The following CACNG7 variants were observed in gnomAD, a reference collection of about 807,000 sequenced individuals.
The protein encoded by CACNG7 is calcium voltage-gated channel auxiliary subunit gamma 7.
Under a neutral mutation model 26.3 loss-of-function variants are expected in CACNG7, and 9 were observed. The observed-to-expected ratio is 0.34, with a 90% CI of 0.21 to 0.60. The LOEUF (loss-of-function observed/expected upper bound fraction) is 0.60. CACNG7 is among the 20% of genes least tolerant of loss of function. The pLI is 0.81. For missense variants in CACNG7, 297 were observed against 380.4 expected, an observed-to-expected ratio of 0.78 and a Z score of 1.82; for synonymous variants, 170 against 157.0, an observed-to-expected ratio of 1.08 and a Z score of -0.62.
chr19:53,927,868 A>G (rs1157451120), intron 4 of CACNG7, among the ~76,000 whole-genome samples: 1 of 151,832 alleles, frequency 6.6e-6, no homozygotes, highest in Non-Finnish European at 1.5e-5. Flanking sequence ...AGAAAAAAAG[A>G]AGGCAGCTAA....
At chr19:53,916,775 C>G (rs2068901601) in intron 4 of CACNG7, among the ~76,000 whole-genome samples, 1 of 149,402 alleles carries the variant, frequency 6.7e-6, no homozygotes, top group African/African-American at 2.5e-5. Context: ...GCTGGGATTA[C>G]AGGTGTGAGC....
intron 4 of CACNG7, among the ~76,000 whole-genome samples, chr19:53,938,074 T>G (rs893486929): frequency 1.0e-3 from 159 of 151,552 alleles, no homozygotes; most frequent in African/African-American, 3.7e-3. Context: ...AGGCCGAGTG[T>G]GGTGGCTCAC....
At chr19:53,923,731 G>T (rs1357623697) in intron 4 of CACNG7, among the ~76,000 whole-genome samples, 1 of 127,736 alleles carries the variant, frequency 7.8e-6, no homozygotes, top group Non-Finnish European at 1.6e-5. Context: ...GTCATTGGTG[G>T]AGTTGCCCCA....
chr19:53,922,513 T>C (rs2068969714), intron 4 of CACNG7, among the ~76,000 whole-genome samples: 1 of 90,682 alleles, frequency 1.1e-5, no homozygotes, highest in Admixed American at 9.3e-5. Flanking sequence ...CCAGGTCTGG[T>C]CATTGGTGGA....
chr19:53,938,084 C>T (rs762137899), intron 4 of CACNG7, among the ~76,000 whole-genome samples: 2 of 152,044 alleles, frequency 1.3e-5, no homozygotes, highest in Admixed American at 6.6e-5. Flanking sequence ...TGGTGGCTCA[C>T]GCTTGTAATC....
Position 53,943,946 on chromosome 19 carries a change from T to G in CACNG7, c.*1653T>G, listed in dbSNP as rs1488316799. ...AATAAACGCTTTCTCCTGGTATTAT[T>G]ATGACCACGTAGAGTACTGTTACTA... On this transcript the variant is annotated 3_prime_UTR_variant, in exon 6 of 6. Transcript: ENST00000391767. The G allele has an allele frequency of 6.6e-6, 1 of 152,182 alleles. No individual in the cohort carries two copies. Among genetic ancestry groups the G allele is most frequent in the Non-Finnish European group, 1.5e-5 (1 of 68,040 alleles). 9.4% of individuals were successfully genotyped at this position (152,182 alleles called of 1,614,324 possible).
At chr19:53,931,266 G>A (rs6509832) in intron 4 of CACNG7, among the ~76,000 whole-genome samples, 11,780 of 152,226 alleles carry the variant, frequency 0.077, 1,534 homozygotes, top group African/African-American at 0.27. Flanking sequence ...AGACATGGAC[G>A]TTTTATAATT....
Position 53,909,432 on chromosome 19 carries a change from C to A in CACNG7, c.-115C>A. On this transcript the variant is annotated 5_prime_UTR_variant, in exon 1 of 6. Transcript: ENST00000391767. This position sits in a 1 kb window ranked among gnomAD's most constrained non-coding sequence, Gnocchi z 5.1. Reference sequence around the variant, plus strand: ...GCGCGGGCACCGGCGACCCCGGTGGCGGCGGCGGCGGCCGGGGGAAGCCTC... The same window carrying A: ...GCGCGGGCACCGGCGACCCCGGTGGAGGCGGCGGCGGCCGGGGGAAGCCTC... 6.7e-6 allele frequency: 1 copy of A among 148,912 alleles called. No individual in the cohort carries two copies. The highest frequency in any genetic ancestry group is 1.8e-4 in the South Asian group (1 of 5,504). The allele number at this position is 148,912 out of a possible 1,614,324, so 9.2% of individuals were successfully genotyped here.
intron 4 of CACNG7, among the ~76,000 whole-genome samples, chr19:53,918,861 C>G (rs1010373153): frequency 6.6e-6 from 1 of 152,122 alleles, no homozygotes; most frequent in African/African-American, 2.4e-5. Flanking sequence ...CTCCGCGTCC[C>G]AGGTTCAAGC....
Position 53,922,010 on chromosome 19 carries a change from G to C in CACNG7, c.424+6505G>C, listed in dbSNP as rs1390087789. On this transcript the variant is annotated intron_variant, in intron 4 of 5. Coordinates refer to ENST00000391767, the MANE Select transcript of CACNG7 (RefSeq NM_031896.5). ...CCCAGGCCTGGTCATTGGTGGAGTT[G>C]TCCCCAGGTCTGGTCATTGGTGGAG... Among the ~76,000 whole-genome samples the C allele has an allele frequency of 2.7e-5, 2 of 74,146 alleles. 1 individual carries two copies. Among genetic ancestry groups the C allele is most frequent in the Admixed American group, 2.6e-4 (2 of 7,768 alleles). The allele number at this position is 74,146 out of a possible 152,430, so 48.6% of individuals were successfully genotyped here. A position where few individuals can be genotyped will look rare whatever the true frequency, so the allele number is the denominator to read the frequency against.
intron 4 of CACNG7, among the ~76,000 whole-genome samples, chr19:53,918,258 T>C (rs2068911154): frequency 6.6e-6 from 1 of 152,206 alleles, no homozygotes; most frequent in African/African-American, 2.4e-5. Flanking sequence ...CTTTTTCTGC[T>C]TAGGGCCAGA....
intron 4 of CACNG7, among the ~76,000 whole-genome samples, chr19:53,931,560 T>C (rs896317676): frequency 1.3e-5 from 2 of 151,326 alleles, no homozygotes; most frequent in African/African-American, 2.4e-5. Flanking sequence ...TGGTGGTGCA[T>C]GCCTGTAGTC....
chr19:53,916,495 T>C (rs986070343), intron 4 of CACNG7, among the ~76,000 whole-genome samples: 2 of 146,668 alleles, frequency 1.4e-5, no homozygotes, highest in African/African-American at 2.5e-5. Context: ...TTCTTTTTTT[T>C]TTTTTTTTTT....
At chr19:53,921,096 TG>T (rs2068945091) in intron 4 of CACNG7, among the ~76,000 whole-genome samples, 1 of 85,212 alleles carries the variant, frequency 1.2e-5, no homozygotes, top group Non-Finnish European at 2.2e-5. Context: ...TTGGTGGAGT[TG>T]TCCCCAGGCC....
chr19:53,942,284 G>A lies in CACNG7; in HGVS notation c.819G>A (p.Ser273=), dbSNP rs773804427. 3 of 1,610,184 alleles carry A rather than the reference G, an allele frequency of 1.9e-6. No individual in the cohort carries two copies. The highest frequency in any genetic ancestry group is 1.7e-6 in the Non-Finnish European group (2 of 1,178,640). The change falls in exon 6 of 6, where the codon TCG becomes TCA. Residue 273 remains serine, a synonymous_variant. Coordinates refer to ENST00000391767, the MANE Select transcript of CACNG7 (RefSeq NM_031896.5). The surrounding 1 kb of genome is among the most constrained non-coding windows in gnomAD (Gnocchi z 5.9). ...KYPDHLHIST[S]PC ...CGGACCACCTGCACATCTCCACCTC[G>A]CCCTGCTGAGGCCCGCCCCTCGGAG...
chr19:53,925,977 C>G (rs1256847112), intron 4 of CACNG7, among the ~76,000 whole-genome samples: 1 of 152,130 alleles, frequency 6.6e-6, no homozygotes, highest in African/African-American at 2.4e-5. Flanking sequence ...CATGTGCATG[C>G]CTGTCCCACA....
At chr19:53,923,899 CCCCAGGTCTGGTCATTGGTGGAGTTGT>C (rs2068993451) in intron 4 of CACNG7, among the ~76,000 whole-genome samples, 1 of 110,174 alleles carries the variant, frequency 9.1e-6, no homozygotes, top group Non-Finnish European at 1.8e-5. Flanking sequence ...GGTGGAGTTG[CCCCAGGTCTGGTCATTGGTGGAGTTGT>C]CCCCAGGTCT....
chr19:53,932,562 T>A (rs2069079896), intron 4 of CACNG7, among the ~76,000 whole-genome samples: 1 of 152,136 alleles, frequency 6.6e-6, no homozygotes, highest in South Asian at 2.1e-4. Context: ...CATATCTAGT[T>A]AATGCTCACT....
At position 53,912,215 on chromosome 19, in the gene CACNG7, G is replaced by A. The variant is rs551539543; in HGVS notation, c.-29-588G>A. Among the ~76,000 whole-genome samples, 76 of 152,258 alleles carry A rather than the reference G, an allele frequency of 5.0e-4. No homozygotes were observed. Among genetic ancestry groups the A allele is most frequent in the African/African-American group, 1.8e-3 (74 of 41,560 alleles). ...TTATTGATCCTTGTTGGAGTCTGGTGTTCACAACCGGGGGCTTCGATCGTC... is the reference window on the plus strand; with the variant it reads ...TTATTGATCCTTGTTGGAGTCTGGTATTCACAACCGGGGGCTTCGATCGTC... On this transcript the variant is annotated intron_variant, in intron 1 of 5. Transcript: ENST00000391767. The surrounding 1 kb of genome is among the most constrained non-coding windows in gnomAD (Gnocchi z 4.6).
Sources: allele counts gnomAD v4.1 joint callset (sites outside exome capture counted in the v4.1 genomes callset), GRCh38; gene constraint gnomAD v4.1.1; non-coding constraint Gnocchi (gnomAD v3.1); transcripts MANE v1.5; gene names NCBI Gene and HGNC (gene_info 2026-07-23, HGNC 2026-07-21).